RPL38: variants seen among roughly 807,000 people sequenced by gnomAD.
The protein encoded by RPL38 is large ribosomal subunit protein eL38.
RPL38 carries 2 observed loss-of-function variants against 12.8 expected under a neutral mutation model. The ratio of observed to expected loss-of-function variants is 0.16; its 90% CI spans 0.06 to 0.49. The LOEUF (loss-of-function observed/expected upper bound fraction) is 0.49, where lower values mean the gene tolerates loss of function less well. RPL38 is among the 20% of genes least tolerant of loss of function. The pLI is 0.96. For synonymous variants in RPL38, 42 were observed against 30.1 expected (o/e 1.39, Z -1.29); for missense variants, 52 against 79.8 (o/e 0.65, Z 1.33).
Position 74,210,305 on chromosome 17 carries a change from T to A in RPL38, c.*476T>A, listed in dbSNP as rs1174776023. ...TGAGGCCATCTGTTTTCAGCCTGTT[T>A]GAAAATAAGATGTGGGGAGGCCATG... On this transcript the variant is annotated 3_prime_UTR_variant, in exon 5 of 5. Transcript: ENST00000311111. The A allele has an allele frequency of 6.4e-6, 1 of 155,068 alleles. No individual in the cohort carries two copies. The highest frequency in any genetic ancestry group is 2.4e-5 in the African/African-American group (1 of 41,450). The allele number at this position is 155,068 out of a possible 1,614,324, so 9.6% of individuals were successfully genotyped here.
Position 74,210,323 on chromosome 17 carries a change from A to C in RPL38, c.*494A>C, listed in dbSNP as rs1470486213. On this transcript the variant is annotated 3_prime_UTR_variant, in exon 5 of 5. Coordinates refer to ENST00000311111, the MANE Select transcript of RPL38 (RefSeq NM_000999.4). ...GCCTGTTTGAAAATAAGATGTGGGG[A>C]GGCCATGATGGAAATAGCACGTGGG... 1 of 154,482 alleles carries C rather than the reference A, an allele frequency of 6.5e-6. No homozygotes were observed. The highest frequency in any genetic ancestry group is 1.4e-5 in the Non-Finnish European group (1 of 69,504). The allele number at this position is 154,482 out of a possible 1,614,324, so 9.6% of individuals were successfully genotyped here.
chr17:74,204,324 T>C lies in RPL38; in HGVS notation c.64+134T>C, dbSNP rs1033942488. 1.1e-5 allele frequency: 8 copies of C among 714,498 alleles called. No individual in the cohort carries two copies. The African/African-American group carries it at 1.4e-4, about 13-fold the overall frequency. The allele number at this position is 714,498 out of a possible 1,614,324, so 44.3% of individuals were successfully genotyped here. ...GTGCCTGGCCCTCTGGGAGCAGTGG[T>C]TTCATCCTGTTTCCCATGAGAAAGA... On this transcript the variant is annotated intron_variant, in intron 3 of 4. Transcript: ENST00000311111.
chr17:74,204,471 A>AG, intron 3 of RPL38: 1 of 450,458 alleles, frequency 2.2e-6, no homozygotes, highest in Non-Finnish European at 4.0e-6. Context: ...GTCGGAACGG[A>AG]ATCTCCACTC....
At chr17:74,209,465 T>C (rs984599695) in intron 4 of RPL38, 156 bp downstream of exon 4, 12 of 818,052 alleles carry the variant, frequency 1.5e-5, no homozygotes, top group Non-Finnish European at 2.1e-5. Context: ...GGAATAGTTG[T>C]GATTCTCAGA....
chr17:74,206,802 TC>T (rs1483099528), intron 3 of RPL38, among the ~76,000 whole-genome samples: 1 of 133,734 alleles, frequency 7.5e-6, no homozygotes, highest in East Asian at 2.6e-4. Context: ...AAGCTCCGCC[TC>T]CCAGGTTCAT....
rs35333460 is a variant in RPL38, at chr17:74,206,708, CTTTTTTT to C, written c.65-2463_65-2457del. Among the ~76,000 whole-genome samples, 47 of 101,594 alleles carry C rather than the reference CTTTTTTT, an allele frequency of 4.6e-4. 1 individual carries two copies. Among genetic ancestry groups the C allele is most frequent in the Admixed American group, 1.3e-3 (12 of 9,104 alleles). 66.6% of individuals were successfully genotyped at this position (101,594 alleles called of 152,430 possible). The stretch of plus-strand genomic sequence containing the variant: ...CAGAATTGCCTTCTGTTTTTTCTTT[CTTTTTTT>C]TTTTTTTTTTTTTTTGACATGGAAT... On this transcript the variant is annotated intron_variant, in intron 3 of 4. Coordinates refer to ENST00000311111, the MANE Select transcript of RPL38 (RefSeq NM_000999.4).
rs554012297 is a variant in RPL38 at position 74,203,702 on chromosome 17, C to G, written c.-82C>G. The G allele has an allele frequency of 1.2e-5, 6 of 508,500 alleles. No homozygotes were observed. The highest frequency in any genetic ancestry group is 6.1e-5 in the East Asian group (2 of 32,658). The allele number at this position is 508,500 out of a possible 1,614,324, so 31.5% of individuals were successfully genotyped here. On this transcript the variant is annotated 5_prime_UTR_variant, in exon 1 of 5. Transcript: ENST00000311111. ...TCTTTTTCGTCCTTTTCCCCGGTTG[C>G]TGCTTGCTGTGAGTGTCTCTAGGGT...
intron 2 of RPL38, 30 bp downstream of exon 2, chr17:74,203,988 C>T (rs1181927852): frequency 3.1e-6 from 5 of 1,612,938 alleles, no homozygotes; most frequent in Non-Finnish European, 3.4e-6. Flanking sequence ...GGCGCCTTCC[C>T]GGGGTGGGCT....
chr17:74,205,660 A>G (rs752540740), intron 3 of RPL38: 2 of 152,052 alleles, frequency 1.3e-5, no homozygotes, highest in Non-Finnish European at 2.9e-5. Context: ...TTGAAGCCCA[A>G]CTCTACCTGC....
intron 3 of RPL38, 128 bp downstream of exon 3, chr17:74,204,318 C>T (rs1041262236): frequency 6.8e-5 from 52 of 760,946 alleles, no homozygotes; most frequent in Non-Finnish European, 9.8e-5. Context: ...CCTCTGGGAG[C>T]AGTGGTTTCA....
chr17:74,204,529 T>G, intron 3 of RPL38: 1 of 338,214 alleles, frequency 3.0e-6, no homozygotes. Flanking sequence ...TTAGGTTCTC[T>G]GCAGTTGTGC....
intron 3 of RPL38, among the ~76,000 whole-genome samples, chr17:74,207,921 G>C (rs536314724): frequency 2.6e-5 from 4 of 152,236 alleles, no homozygotes; most frequent in South Asian, 4.1e-4. Context: ...CCAGGTGTCT[G>C]GATGTATTAA....
intron 3 of RPL38, 70 bp downstream of exon 3, chr17:74,204,260 C>G: frequency 1.4e-6 from 2 of 1,431,704 alleles, no homozygotes; most frequent in Admixed American, 1.8e-5. Flanking sequence ...GCGTCTTCCC[C>G]GGAATGTCAG....
intron 3 of RPL38, chr17:74,204,541 A>T (rs1014237839): frequency 6.2e-6 from 2 of 322,706 alleles, no homozygotes; most frequent in Non-Finnish European, 1.2e-5. Context: ...CAGTTGTGCA[A>T]AATCTTAACA....
In RPL38 at chr17:74,204,180, G is replaced by A; in HGVS notation, c.54G>A (p.Lys18=). The change falls in exon 3 of 5, where the codon AAG becomes AAA. Residue 18 remains lysine, a synonymous_variant. Transcript: ENST00000311111. Reference sequence around the variant, plus strand: ...ACTTCCTGCTCACAGCCCGACGAAAGGATGCCAAATGTAAGTGGTTGCTCC... The same window carrying A: ...ACTTCCTGCTCACAGCCCGACGAAAAGATGCCAAATGTAAGTGGTTGCTCC... ...IKDFLLTARR[K]DAKSVKIKKN... is the part of the protein sequence containing the mutation. 6.2e-7 allele frequency: 1 copy of A among 1,614,188 alleles called. No homozygotes were observed. The highest frequency in any genetic ancestry group is 1.1e-5 in the South Asian group (1 of 91,088).
chr17:74,206,302 G>A (rs1300826007), intron 3 of RPL38: 6 of 151,676 alleles, frequency 4.0e-5, no homozygotes, highest in African/African-American at 9.7e-5. Context: ...AAAGTTAGCC[G>A]GGCGTGTGCT....
chr17:74,206,747 C>CT (rs2050118542), intron 3 of RPL38, among the ~76,000 whole-genome samples: 1 of 123,522 alleles, frequency 8.1e-6, no homozygotes, highest in East Asian at 2.6e-4. Context: ...GAATGTCACT[C>CT]TGTTGCCCAG....
intron 1 of RPL38, 59 bp from the exon 2 acceptor site, chr17:74,203,859 A>G (rs929150975): frequency 1.4e-6 from 2 of 1,430,146 alleles, no homozygotes; most frequent in South Asian, 2.8e-5. Flanking sequence ...GGAGAGCGGG[A>G]AAACGGGGTT....
At chr17:74,204,560 A>G (rs1476686907) in intron 3 of RPL38, 4 of 293,748 alleles carry the variant, frequency 1.4e-5, no homozygotes, top group Non-Finnish European at 2.0e-5. Context: ...CACAAAATCC[A>G]TTTTGTAATA....
Sources: allele counts gnomAD v4.1 joint callset (sites outside exome capture counted in the v4.1 genomes callset), GRCh38; gene constraint gnomAD v4.1.1; transcripts MANE v1.5; gene names NCBI Gene and HGNC (gene_info 2026-07-23, HGNC 2026-07-21).